Variants in RBFOX1 observed in about 807,000 individuals in gnomAD.
The protein encoded by RBFOX1 is RNA binding fox-1 homolog 1, also known as RNA binding protein fox-1 homolog 1.
In RBFOX1, 8 loss-of-function variants were observed where a neutral mutation model predicts 57.7. The observed-to-expected ratio is 0.14, with a 90% CI of 0.08 to 0.25. RBFOX1 has a LOEUF of 0.25. RBFOX1 is among the 10% of genes least tolerant of loss of function. RBFOX1 has a pLI of 1.00. For synonymous variants in RBFOX1, 326 were observed against 222.4 expected (o/e 1.47, Z -4.15); for missense variants, 611 against 548.5 (o/e 1.11, Z -1.14).
At chr16:6,786,421 A>T (rs1248413140) in intron 3 of RBFOX1, among the ~76,000 whole-genome samples, 1 of 152,148 alleles carries the variant, frequency 6.6e-6, no homozygotes, top group East Asian at 1.9e-4. Flanking sequence ...ATTTTTCAGG[A>T]GGTAGATCAA....
At chr16:7,019,070 G>A (rs905403486) in intron 3 of RBFOX1, among the ~76,000 whole-genome samples, 1 of 152,158 alleles carries the variant, frequency 6.6e-6, no homozygotes, top group Non-Finnish European at 1.5e-5. Context: ...AGAAGTGTGT[G>A]TGTGTGAGTG....
intron 1 of RBFOX1, among the ~76,000 whole-genome samples, chr16:6,224,760 C>A (rs565902413): frequency 6.6e-6 from 1 of 152,238 alleles, no homozygotes; most frequent in African/African-American, 2.4e-5. Flanking sequence ...GTGGCTCACG[C>A]CCATAATCCC....
intron 2 of RBFOX1, among the ~76,000 whole-genome samples, chr16:6,578,904 G>A (rs1489096010): frequency 1.3e-5 from 2 of 151,964 alleles, no homozygotes; most frequent in Non-Finnish European, 2.9e-5. Context: ...TGGGAGTGGG[G>A]TGAGGGTAAA....
chr16:5,662,862 C>A (rs561893918), intron 3 of RBFOX1, among the ~76,000 whole-genome samples: 7 of 152,140 alleles, frequency 4.6e-5, no homozygotes, highest in Non-Finnish European at 1.0e-4. Flanking sequence ...AGAATAGTAA[C>A]ACCTATGCCA....
In RBFOX1 at chr16:6,434,853, G is replaced by A. The variant is rs1171923005; in HGVS notation, c.-64+117796G>A. On this transcript the variant is annotated intron_variant, in intron 2 of 15. Coordinates refer to ENST00000550418, the MANE Select transcript of RBFOX1 (RefSeq NM_018723.4). ...TTTGTACCTCATGATCCTTCATTTG[G>A]CATTTACTGAGTTATTACTATGTGC... Among the ~76,000 whole-genome samples the A allele has an allele frequency of 2.0e-5, 3 of 152,076 alleles. No homozygotes were observed. In the East Asian group the frequency reaches 5.8e-4, roughly 29 times the overall value.
intron 3 of RBFOX1, among the ~76,000 whole-genome samples, chr16:6,868,672 A>G (rs2060353640): frequency 1.3e-5 from 2 of 152,104 alleles, no homozygotes; most frequent in African/African-American, 4.8e-5. Flanking sequence ...GGGTTTCACC[A>G]TGTTGGCCAG....
chr16:5,972,100 C>T (rs1438037683), intron 4 of RBFOX1, among the ~76,000 whole-genome samples: 1 of 152,184 alleles, frequency 6.6e-6, no homozygotes, highest in Non-Finnish European at 1.5e-5. Flanking sequence ...CATTCATTCT[C>T]CTGGGCCTCC....
intron 1 of RBFOX1, among the ~76,000 whole-genome samples, chr16:6,306,321 G>C (rs934047234): frequency 2.6e-5 from 4 of 152,170 alleles, no homozygotes; most frequent in Non-Finnish European, 5.9e-5. Flanking sequence ...CCACACAGGG[G>C]ATCTCCTTTC....
At chr16:5,346,672 A>T (rs1227172270) in intron 1 of RBFOX1, among the ~76,000 whole-genome samples, 2 of 152,034 alleles carry the variant, frequency 1.3e-5, no homozygotes, top group African/African-American at 2.4e-5. Flanking sequence ...GTGCTGTGGG[A>T]GTGGAGTGAG....
intron 4 of RBFOX1, among the ~76,000 whole-genome samples, chr16:5,960,407 C>T (rs756747336): frequency 6.6e-6 from 1 of 152,086 alleles, no homozygotes; most frequent in Non-Finnish European, 1.5e-5. Context: ...TACCACCAGC[C>T]CCATGCCCCT....
At chr16:7,302,796 C>CT (rs2096065406) in intron 4 of RBFOX1, among the ~76,000 whole-genome samples, 1 of 139,612 alleles carries the variant, frequency 7.2e-6, no homozygotes, top group Non-Finnish European at 1.5e-5. Flanking sequence ...TTAATATTTT[C>CT]TTTCGATTTG....
chr16:7,085,610 G>A lies in RBFOX1; in HGVS notation c.27+33512G>A, dbSNP rs1228262065. Among the ~76,000 whole-genome samples the A allele has an allele frequency of 2.0e-5, 3 of 152,214 alleles. No homozygotes were observed. The South Asian group carries it at 6.2e-4, about 32-fold the overall frequency. On this transcript the variant is annotated intron_variant, in intron 4 of 15. Coordinates refer to ENST00000550418, the MANE Select transcript of RBFOX1 (RefSeq NM_018723.4). ...ACATATGCCTGCAAAATTTTAAAGA[G>A]TAGGGTGCTTAGTTATTTTTCCCTA...
intron 1 of RBFOX1, among the ~76,000 whole-genome samples, chr16:6,276,262 G>A (rs926479256): frequency 6.6e-6 from 1 of 152,198 alleles, no homozygotes; most frequent in Non-Finnish European, 1.5e-5. Flanking sequence ...CAAATGTGTG[G>A]AATGTCACGG....
intron 3 of RBFOX1, among the ~76,000 whole-genome samples, chr16:6,845,793 C>T (rs1157913124): frequency 1.3e-5 from 2 of 152,212 alleles, no homozygotes; most frequent in Non-Finnish European, 2.9e-5. Context: ...ACAAGTAAGG[C>T]TCTTTCATAT....
intron 3 of RBFOX1, among the ~76,000 whole-genome samples, chr16:6,767,320 C>T (rs749731954): frequency 2.0e-5 from 3 of 152,062 alleles, no homozygotes; most frequent in African/African-American, 4.8e-5. Context: ...AGACTGAACA[C>T]ATTGAGCCTG....
At chr16:6,847,352 C>T (rs1467942986) in intron 3 of RBFOX1, among the ~76,000 whole-genome samples, 3 of 152,112 alleles carry the variant, frequency 2.0e-5, no homozygotes, top group Admixed American at 6.5e-5. Context: ...CTCACAACTG[C>T]AAGGGGGTCT....
At chr16:5,951,767 G>C (rs934403839) in intron 4 of RBFOX1, among the ~76,000 whole-genome samples, 1 of 149,624 alleles carries the variant, frequency 6.7e-6, no homozygotes, top group African/African-American at 2.4e-5. Flanking sequence ...TATCTTTAAA[G>C]GACACAAGGG....
chr16:5,520,983 A>G lies in RBFOX1; in HGVS notation c.258+53729A>G, dbSNP rs1373095523. 3.9e-5 allele frequency among the ~76,000 whole-genome samples: 6 copies of G among 152,346 alleles called. No homozygotes were observed. In the East Asian group the frequency reaches 1.2e-3, roughly 29 times the overall value. On this transcript the variant is annotated intron_variant, in intron 2 of 2. Coordinates refer to the RBFOX1 transcript ENST00000585867. ...AGCCTGTGTGTGTCCTTTGAGTAAGAAAAGCATATTGTTAAAGTCCATGGA... is the reference window on the plus strand; with the variant it reads ...AGCCTGTGTGTGTCCTTTGAGTAAGGAAAGCATATTGTTAAAGTCCATGGA...
chr16:5,663,581 A>G (rs1050913177), intron 3 of RBFOX1, among the ~76,000 whole-genome samples: 5 of 152,138 alleles, frequency 3.3e-5, no homozygotes, highest in Non-Finnish European at 7.4e-5. Flanking sequence ...AGGGGGTGCA[A>G]TCCCATATTC....
Sources: allele counts gnomAD v4.1 joint callset (sites outside exome capture counted in the v4.1 genomes callset), GRCh38; gene constraint gnomAD v4.1.1; transcripts MANE v1.5; gene names NCBI Gene and HGNC (gene_info 2026-07-23, HGNC 2026-07-21).